DISC1: variants seen among roughly 807,000 people sequenced by gnomAD.
DISC1 encodes the protein DISC1 scaffold protein.
In DISC1, 57 loss-of-function variants were observed where a neutral mutation model predicts 84.5. That is an observed-to-expected ratio of 0.67 (90% CI 0.55 to 0.84). DISC1 has a LOEUF of 0.84. Ranked by LOEUF, DISC1 falls within the 40% of genes least tolerant of loss-of-function variation. DISC1 has a pLI of 0.00. For missense variants in DISC1, 1,000 were observed against 1,057.8 expected, an observed-to-expected ratio of 0.95 and a Z score of 0.76; for synonymous variants, 411 against 415.2, an observed-to-expected ratio of 0.99 and a Z score of 0.12.
At chr1:231,997,856 TAAATATGCCTAAGG>T (rs1666159913) in intron 10 of DISC1, among the ~76,000 whole-genome samples, 1 of 152,234 alleles carries the variant, frequency 6.6e-6, no homozygotes, top group South Asian at 2.1e-4. Context: ...GCCTAAGTAG[TAAATATGCCTAAGG>T]AAATAAGAAC....
chr1:232,005,209 C>G (rs906438363), intron 10 of DISC1, among the ~76,000 whole-genome samples: 3 of 151,758 alleles, frequency 2.0e-5, no homozygotes, highest in African/African-American at 7.3e-5. Flanking sequence ...CTCATGGAAT[C>G]CTCACCATCA....
At chr1:231,939,114 T>G (rs1311359439) in intron 9 of DISC1, among the ~76,000 whole-genome samples, 3 of 152,242 alleles carry the variant, frequency 2.0e-5, no homozygotes, top group African/African-American at 2.4e-5. Context: ...CCACTTTGCT[T>G]ATTATTAGCT....
intron 9 of DISC1, among the ~76,000 whole-genome samples, chr1:231,829,653 CT>C (rs1314692390): frequency 3.9e-5 from 6 of 152,134 alleles, no homozygotes; most frequent in African/African-American, 1.2e-4. Flanking sequence ...GCCCGGCCTA[CT>C]TTTTTTCATT....
intron 9 of DISC1, chr1:231,866,716 T>C (rs980657802): frequency 2.7e-5 from 37 of 1,353,358 alleles, no homozygotes; most frequent in Middle Eastern, 2.3e-4. Flanking sequence ...AAAGAAAGCA[T>C]GTCTTCGACT....
chr1:231,715,736 G>T, intron 3 of DISC1, among the ~76,000 whole-genome samples: 1 of 152,196 alleles, frequency 6.6e-6, no homozygotes, highest in Non-Finnish European at 1.5e-5. Flanking sequence ...GGGATAGTCA[G>T]TACTAAAAGC....
At chr1:231,760,448 C>A (rs925065482) in intron 4 of DISC1, among the ~76,000 whole-genome samples, 16 of 152,108 alleles carry the variant, frequency 1.1e-4, no homozygotes, top group Non-Finnish European at 2.2e-4. Flanking sequence ...CAATTAGCAA[C>A]CTTAATCAGA....
chr1:231,859,277 G>C (rs920573086), intron 9 of DISC1, among the ~76,000 whole-genome samples: 3 of 152,008 alleles, frequency 2.0e-5, no homozygotes, highest in African/African-American at 7.3e-5. Flanking sequence ...TAGTCTATTT[G>C]GGCTGCTGTA....
intron 8 of DISC1, among the ~76,000 whole-genome samples, chr1:231,809,778 G>A (rs2080109221): frequency 6.6e-6 from 1 of 151,942 alleles, no homozygotes; most frequent in Non-Finnish European, 1.5e-5. Flanking sequence ...TTAGAAACAA[G>A]GATTTAAATT....
intron 1 of DISC1, chr1:231,629,330 C>T (rs937392689): frequency 6.5e-6 from 1 of 152,704 alleles, no homozygotes; most frequent in Non-Finnish European, 1.5e-5. Context: ...GAAATCGAGG[C>T]GTTGGGTGTC....
intron 9 of DISC1, among the ~76,000 whole-genome samples, chr1:231,869,350 A>C (rs1234776465): frequency 6.6e-6 from 1 of 152,116 alleles, no homozygotes; most frequent in African/African-American, 2.4e-5. Context: ...CTCAACAAAA[A>C]TATAAGTCAG....
At chr1:231,640,446 A>C (rs891028929) in intron 1 of DISC1, among the ~76,000 whole-genome samples, 4 of 152,012 alleles carry the variant, frequency 2.6e-5, no homozygotes, top group Admixed American at 2.0e-4. Flanking sequence ...CTTCTCCATA[A>C]AGCAACACAG....
At chr1:231,970,581 T>G (rs1160820528) in intron 10 of DISC1, among the ~76,000 whole-genome samples, 1 of 152,212 alleles carries the variant, frequency 6.6e-6, no homozygotes, top group Non-Finnish European at 1.5e-5. Flanking sequence ...TCATTTTCTT[T>G]GCCATTGATA....
intron 9 of DISC1, among the ~76,000 whole-genome samples, chr1:231,883,613 A>C (rs1326688870): frequency 6.6e-6 from 1 of 152,150 alleles, no homozygotes; most frequent in Non-Finnish European, 1.5e-5. Flanking sequence ...TCATATTGTC[A>C]GACTTGTGCT....
intron 1 of DISC1, among the ~76,000 whole-genome samples, chr1:231,648,667 G>T (rs1353109891): frequency 6.6e-6 from 1 of 151,610 alleles, no homozygotes; most frequent in African/African-American, 2.4e-5. Context: ...GTAGAATTCG[G>T]CTGTGAACCC....
intron 6 of DISC1, among the ~76,000 whole-genome samples, chr1:231,794,278 C>G (rs1001901638): frequency 6.6e-6 from 1 of 151,414 alleles, no homozygotes; most frequent in Non-Finnish European, 1.5e-5. Context: ...AGGCCCAGTT[C>G]ACTTTTCACC....
intron 9 of DISC1, among the ~76,000 whole-genome samples, chr1:231,833,070 A>G (rs1482680698): frequency 2.7e-5 from 4 of 146,772 alleles, no homozygotes; most frequent in Admixed American, 2.7e-4. Context: ...GGGGGATACA[A>G]GAGGAGGACG....
At chr1:231,651,581 G>C (rs2125289156) in intron 1 of DISC1, among the ~76,000 whole-genome samples, 1 of 152,342 alleles carries the variant, frequency 6.6e-6, no homozygotes. Flanking sequence ...TGTTCTCATA[G>C]CTCAAACACC....
intron 9 of DISC1, among the ~76,000 whole-genome samples, chr1:231,894,263 A>G (rs576859081): frequency 6.6e-6 from 1 of 152,334 alleles, no homozygotes; most frequent in East Asian, 1.9e-4. Context: ...AGAAATATAG[A>G]AAGGTACAGA....
chr1:231,921,268 C>T (rs1212915244), intron 9 of DISC1, among the ~76,000 whole-genome samples: 1 of 152,124 alleles, frequency 6.6e-6, no homozygotes, highest in Non-Finnish European at 1.5e-5. Context: ...GGACCGTGGT[C>T]ATACCTTCCC....
Sources: allele counts gnomAD v4.1 joint callset (sites outside exome capture counted in the v4.1 genomes callset), GRCh38; gene constraint gnomAD v4.1.1; transcripts MANE v1.5; gene names NCBI Gene and HGNC (gene_info 2026-07-23, HGNC 2026-07-21).